RRAGD: variants seen among roughly 807,000 people sequenced by gnomAD.
The protein encoded by RRAGD is Ras related GTP binding D.
RRAGD carries 12 observed loss-of-function variants against 35.5 expected under a neutral mutation model. That is an observed-to-expected ratio of 0.34 (90% confidence interval 0.22 to 0.55). The LOEUF is 0.55. Among genes scored for constraint, RRAGD ranks in the 20% least tolerant of loss-of-function variants. RRAGD has a pLI of 0.91. For synonymous variants in RRAGD, 155 were observed against 178.9 expected (o/e 0.87, Z 1.07); for missense variants, 324 against 490.1 (o/e 0.66, Z 3.20).
rs1769717432 is a variant in RRAGD at position 89,412,110 on chromosome 6, G to C, written c.-117C>G. On this transcript the variant is annotated 5_prime_UTR_variant, in exon 1 of 7. Coordinates refer to ENST00000369415, the MANE Select transcript of RRAGD (RefSeq NM_021244.5). This position sits in a 1 kb window ranked among gnomAD's most constrained non-coding sequence, Gnocchi z 4.2. ...CGGAGGTTTGTCTAGAGCTCAGCGG[G>C]GCCCGGCGGAAGCGGGGGCCGCGCG... The C allele has an allele frequency of 2.9e-6, 3 of 1,021,132 alleles. No individual in the cohort carries two copies. Among genetic ancestry groups the C allele is most frequent in the Admixed American group, 4.3e-5 (1 of 23,324 alleles). 63.3% of individuals were successfully genotyped at this position (1,021,132 alleles called of 1,614,324 possible). A position where few individuals can be genotyped will look rare whatever the true frequency, so the allele number is the denominator to read the frequency against.
At chr6:89,408,945 C>T (rs1232955952) in intron 1 of RRAGD, among the ~76,000 whole-genome samples, 2 of 152,140 alleles carry the variant, frequency 1.3e-5, no homozygotes, top group African/African-American at 4.8e-5. Flanking sequence ...GAAGGTGAGA[C>T]TCACCTTACC....
chr6:89,396,816 A>G (rs768100937), intron 1 of RRAGD, among the ~76,000 whole-genome samples: 11 of 134,068 alleles, frequency 8.2e-5, no homozygotes, highest in Non-Finnish European at 1.5e-4. Context: ...ATCTTGGCTC[A>G]CTGCAACCTC....
chr6:89,390,401 A>C (rs1016419337), intron 1 of RRAGD, among the ~76,000 whole-genome samples: 1 of 152,256 alleles, frequency 6.6e-6, no homozygotes, highest in Non-Finnish European at 1.5e-5. Context: ...GCCAATACAC[A>C]TATGAAAAGG....
chr6:89,398,659 T>C (rs926372825), intron 1 of RRAGD, among the ~76,000 whole-genome samples: 1 of 152,258 alleles, frequency 6.6e-6, no homozygotes, highest in Admixed American at 6.5e-5. Flanking sequence ...ATGGCTATCA[T>C]GTATGAAGGT....
At chr6:89,377,222 G>A (rs557683695) in intron 5 of RRAGD, among the ~76,000 whole-genome samples, 1 of 152,286 alleles carries the variant, frequency 6.6e-6, no homozygotes, top group South Asian at 2.1e-4. Context: ...TGTCAGGGGG[G>A]AAATATATGT....
At chr6:89,388,026 C>T (rs909758036) in intron 1 of RRAGD, among the ~76,000 whole-genome samples, 1 of 152,084 alleles carries the variant, frequency 6.6e-6, no homozygotes, top group African/African-American at 2.4e-5. Context: ...TGCTTGTTGA[C>T]GTGAGTTATG....
intron 2 of RRAGD, among the ~76,000 whole-genome samples, chr6:89,385,346 C>G (rs989862447): frequency 6.6e-6 from 1 of 152,106 alleles, no homozygotes; most frequent in Non-Finnish European, 1.5e-5. Flanking sequence ...ATGGGTAGGA[C>G]TACTACAGCT....
At chr6:89,382,099 T>C (rs1769053616) in intron 2 of RRAGD, among the ~76,000 whole-genome samples, 3 of 151,772 alleles carry the variant, frequency 2.0e-5, no homozygotes, top group African/African-American at 7.3e-5. Context: ...CCTCCAAACC[T>C]GGAAAAAACA....
chr6:89,384,916 T>G (rs577088083), intron 2 of RRAGD, among the ~76,000 whole-genome samples: 15 of 151,710 alleles, frequency 9.9e-5, no homozygotes, highest in Admixed American at 6.6e-4. Context: ...GAGCCAAGGA[T>G]AGTAGCATGC....
At chr6:89,397,699 TA>T (rs905432306) in intron 1 of RRAGD, among the ~76,000 whole-genome samples, 29 of 152,150 alleles carry the variant, frequency 1.9e-4, no homozygotes, top group Middle Eastern at 3.4e-3. Context: ...ATCTCAGCAA[TA>T]AAAAAATAAA....
At position 89,368,010 on chromosome 6, in the gene RRAGD, C is replaced by T. The variant is rs540139724; in HGVS notation, c.*46G>A. 2 of 1,506,948 alleles carry T rather than the reference C, an allele frequency of 1.3e-6. No homozygotes were observed. The highest frequency in any genetic ancestry group is 1.4e-5 in the South Asian group (1 of 74,046). The allele number at this position is 1,506,948 out of a possible 1,614,324, so 93.3% of individuals were successfully genotyped here. Reference sequence around the variant, plus strand: ...CCTTTAGTGCAACATGGCGCAGCAGCCTCATGGATAAGGTCTGATTTCAAA... The same window carrying T: ...CCTTTAGTGCAACATGGCGCAGCAGTCTCATGGATAAGGTCTGATTTCAAA... On this transcript the variant is annotated 3_prime_UTR_variant, in exon 7 of 7. Transcript: ENST00000369415.
chr6:89,398,422 C>T (rs144809905), intron 1 of RRAGD, among the ~76,000 whole-genome samples: 96 of 152,322 alleles, frequency 6.3e-4, no homozygotes, highest in African/African-American at 2.2e-3. Flanking sequence ...TATCACATCC[C>T]AAACAGCAAG....
At chr6:89,385,676 G>A (rs551783404) in intron 2 of RRAGD, among the ~76,000 whole-genome samples, 4 of 152,154 alleles carry the variant, frequency 2.6e-5, no homozygotes, top group Admixed American at 6.5e-5. Flanking sequence ...AGGCCCATGG[G>A]AAGAGAGTAA....
chr6:89,374,303 T>C (rs541541022), intron 5 of RRAGD, among the ~76,000 whole-genome samples: 1 of 152,352 alleles, frequency 6.6e-6, no homozygotes, highest in African/African-American at 2.4e-5. Flanking sequence ...GTTAATGCTT[T>C]AATCCTGTAA....
chr6:89,408,929 G>A, intron 1 of RRAGD, among the ~76,000 whole-genome samples: 1 of 152,070 alleles, frequency 6.6e-6, no homozygotes, highest in East Asian at 1.9e-4. Flanking sequence ...CTGGAGTGTG[G>A]GGATTGAAGG....
intron 1 of RRAGD, among the ~76,000 whole-genome samples, chr6:89,403,627 CTTT>C (rs10715442): frequency 0.25 from 29,444 of 116,420 alleles, 3,139 homozygotes; most frequent in African/African-American, 0.34. Context: ...TTTTCTTTTT[CTTT>C]TTTTTTTTTT....
rs761996011 is a variant in RRAGD, at chr6:89,372,446, C to T, written c.1042G>A (p.Glu348Lys). The T allele has an allele frequency of 6.2e-7, 1 of 1,612,742 alleles. No individual in the cohort carries two copies. Among genetic ancestry groups the T allele is most frequent in the Non-Finnish European group, 8.5e-7 (1 of 1,179,460 alleles). Residue 348 changes from glutamate (E) to lysine (K), a missense_variant, in exon 6 of 7, where the codon GAA (glutamate) becomes AAA (lysine). Glu to Lys is a moderately conservative substitution (Grantham distance 56). Around this residue, in one of 5 missense-constraint regions of RRAGD, gnomAD observed 68 missense variants for 76.8 expected, o/e 0.89. Transcript: ENST00000369415. ...LVCFVREESFERKGLIDYNFH... is the reference protein window; with the variant it reads ...LVCFVREESFKRKGLIDYNFH... ...CACACCAAAAAGTTACCTTTTCTTT[C>T]AAAGCTTTCCTCTCTGACAAAGCAA... is the stretch of plus-strand genomic sequence containing the variant.
At chr6:89,398,186 A>G (rs1279308322) in intron 1 of RRAGD, among the ~76,000 whole-genome samples, 6 of 152,122 alleles carry the variant, frequency 3.9e-5, no homozygotes, top group Admixed American at 2.0e-4. Context: ...GGCAGTAGGC[A>G]GTAAGGAAAG....
chr6:89,403,742 C>CTTCT (rs1484249574), intron 1 of RRAGD, among the ~76,000 whole-genome samples: 1 of 151,166 alleles, frequency 6.6e-6, no homozygotes, highest in Non-Finnish European at 1.5e-5. Flanking sequence ...TCAAGTGATC[C>CTTCT]TTCTGCCTCA....
Sources: gnomAD v4.1 joint callset for allele counts (sites outside exome capture counted in the v4.1 genomes callset) on GRCh38, gnomAD v4.1.1 for gene constraint, gnomAD v4.1.1 regional missense constraint, Gnocchi (gnomAD v3.1) non-coding constraint, MANE v1.5 for transcripts, NCBI Gene and HGNC (gene_info 2026-07-23, HGNC 2026-07-21) for gene names.